The following GABBR2 variants were observed in gnomAD, a reference collection of about 807,000 sequenced individuals.
GABBR2 encodes gamma-aminobutyric acid type B receptor subunit 2, also known as G-protein coupled receptor 51.
In GABBR2, 23 loss-of-function variants were observed where a neutral mutation model predicts 105.6. The observed-to-expected ratio is 0.22, with a 90% CI of 0.16 to 0.31. The LOEUF is 0.31. Ranked by LOEUF, GABBR2 falls within the 10% of genes least tolerant of loss-of-function variation. The pLI is 1.00. For synonymous variants in GABBR2, 478 were observed against 499.7 expected (o/e 0.96, Z 0.58); for missense variants, 734 against 1,245.5 (o/e 0.59, Z 6.18).
At chr9:98,562,438 T>C (rs1828686714) in intron 2 of GABBR2, among the ~76,000 whole-genome samples, 1 of 152,228 alleles carries the variant, frequency 6.6e-6, no homozygotes, top group Non-Finnish European at 1.5e-5. Context: ...ATTGTATCAC[T>C]GTTAAATTTT....
intron 1 of GABBR2, among the ~76,000 whole-genome samples, chr9:98,606,600 C>G (rs889083332): frequency 2.6e-5 from 4 of 151,554 alleles, no homozygotes; most frequent in Admixed American, 6.6e-5. Context: ...CCTGCCTCAG[C>G]CTCCCGAGTA....
At position 98,288,565 on chromosome 9, in the gene GABBR2, T is replaced by C. The variant is rs1339637299; in HGVS notation, c.*2019A>G. 1 of 152,562 alleles carries C rather than the reference T, an allele frequency of 6.6e-6. No homozygotes were observed. The highest frequency in any genetic ancestry group is 1.5e-5 in the Non-Finnish European group (1 of 68,040). 9.5% of individuals were successfully genotyped at this position (152,562 alleles called of 1,614,324 possible). On this transcript the variant is annotated 3_prime_UTR_variant, in exon 19 of 19. Transcript: ENST00000259455. ...TTTTTTTGTGTGTGTGTATACATTA[T>C]GTACAATTAATTGTCTCTTTCCCTT... is the stretch of plus-strand genomic sequence containing the variant.
intron 13 of GABBR2, among the ~76,000 whole-genome samples, chr9:98,323,823 G>A (rs554436050): frequency 1.3e-3 from 200 of 152,212 alleles, no homozygotes; most frequent in Non-Finnish European, 1.2e-3. Flanking sequence ...CTGCTGTCAA[G>A]TCCAAGCCCA....
chr9:98,552,292 G>C (rs1828504044), intron 2 of GABBR2, among the ~76,000 whole-genome samples: 1 of 152,194 alleles, frequency 6.6e-6, no homozygotes, highest in African/African-American at 2.4e-5. Flanking sequence ...AAATGATTGA[G>C]GCTTGCTCTT....
At chr9:98,596,192 C>T (rs560041211) in intron 1 of GABBR2, among the ~76,000 whole-genome samples, 1 of 152,224 alleles carries the variant, frequency 6.6e-6, no homozygotes, top group Non-Finnish European at 1.5e-5. Flanking sequence ...TTTCCTCCCC[C>T]ATAAACGAGG....
chr9:98,410,505 CTTT>C (rs5899341), intron 7 of GABBR2, among the ~76,000 whole-genome samples: 8 of 126,476 alleles, frequency 6.3e-5, no homozygotes, highest in Admixed American at 8.4e-5. Flanking sequence ...GAGGGAAAAG[CTTT>C]TTTTTTTTTT....
At chr9:98,486,787 A>T (rs1034766366) in intron 4 of GABBR2, among the ~76,000 whole-genome samples, 1 of 152,228 alleles carries the variant, frequency 6.6e-6, no homozygotes, top group Non-Finnish European at 1.5e-5. Context: ...CTGTGCCCCA[A>T]CTGTCTGGCT....
intron 12 of GABBR2, among the ~76,000 whole-genome samples, chr9:98,365,420 T>C (rs1831658704): frequency 6.6e-6 from 1 of 152,150 alleles, no homozygotes; most frequent in Non-Finnish European, 1.5e-5. Flanking sequence ...GCACCTAAGC[T>C]CTACTAGACA....
In GABBR2 at chr9:98,704,056, G is replaced by A. The variant is rs565322766; in HGVS notation, c.321+4361C>T. Among the ~76,000 whole-genome samples, 12 of 151,990 alleles carry A rather than the reference G, an allele frequency of 7.9e-5. No homozygotes were observed. In the South Asian group the frequency reaches 1.0e-3, roughly 13 times the overall value. On this transcript the variant is annotated intron_variant, in intron 1 of 18. Transcript: ENST00000259455. ...ACCTTGCATTAGAAATGATGAATAC[G>A]TTCTTGCCCTGTTCTCTGTTCACCA... is the stretch of plus-strand genomic sequence containing the variant.
intron 7 of GABBR2, among the ~76,000 whole-genome samples, chr9:98,431,364 T>C (rs1028361543): frequency 9.9e-5 from 15 of 152,156 alleles, no homozygotes; most frequent in Non-Finnish European, 2.2e-4. Flanking sequence ...GTAAACTCTC[T>C]GAAGAAAGGG....
chr9:98,536,247 A>G (rs997738615), intron 3 of GABBR2, among the ~76,000 whole-genome samples: 1 of 152,198 alleles, frequency 6.6e-6, no homozygotes, highest in African/African-American at 2.4e-5. Flanking sequence ...CCAGGTCTCC[A>G]TAAGCTCACA....
At chr9:98,447,063 C>CTTTTTTTTTTTTTTTTTTTTTTTTTTTTT (rs369338702) in intron 7 of GABBR2, among the ~76,000 whole-genome samples, 2 of 116,340 alleles carry the variant, frequency 1.7e-5, no homozygotes, top group East Asian at 3.6e-4. Flanking sequence ...AAAAAGACTT[C>CTTTTTTTTTTTTTTTTTTTTTTTTTTTTT]TTTTTTTTTT....
chr9:98,341,181 T>C (rs1831206813), intron 13 of GABBR2, among the ~76,000 whole-genome samples: 2 of 152,210 alleles, frequency 1.3e-5, no homozygotes, highest in South Asian at 4.1e-4. Flanking sequence ...CAACACACCT[T>C]TCCACACAAG....
At chr9:98,618,297 T>C (rs1344990125) in intron 1 of GABBR2, among the ~76,000 whole-genome samples, 1 of 152,202 alleles carries the variant, frequency 6.6e-6, no homozygotes, top group African/African-American at 2.4e-5. Flanking sequence ...GTGCCCTTTT[T>C]GTAATCTTGA....
intron 3 of GABBR2, among the ~76,000 whole-genome samples, chr9:98,534,296 T>C (rs1418305943): frequency 8.3e-6 from 1 of 120,950 alleles, no homozygotes; most frequent in Non-Finnish European, 1.8e-5. Context: ...AGCCTCGAGA[T>C]CACTGAGGAC....
chr9:98,479,485 T>A (rs1384060097), intron 5 of GABBR2, among the ~76,000 whole-genome samples: 1 of 152,184 alleles, frequency 6.6e-6, no homozygotes, highest in East Asian at 1.9e-4. Context: ...CCAGCCTCCA[T>A]CCAAGATCCC....
chr9:98,390,375 C>CAAAAAAAAAAAAAAAAAAAA lies in GABBR2; in HGVS notation c.1379-1391_1379-1372dup, dbSNP rs61216428. On this transcript the variant is annotated intron_variant, in intron 9 of 18. Coordinates refer to ENST00000259455, the MANE Select transcript of GABBR2 (RefSeq NM_005458.8). ...GGTGACAGAGCAAGACTCCATCTCA[C>CAAAAAAAAAAAAAAAAAAAA]AAAAAAAAAAAAAAAAAAAAAAAAA... is the stretch of plus-strand genomic sequence containing the variant. 7.1e-4 allele frequency among the ~76,000 whole-genome samples: 23 copies of CAAAAAAAAAAAAAAAAAAAA among 32,436 alleles called. 2 individuals are homozygous for CAAAAAAAAAAAAAAAAAAAA. Among genetic ancestry groups the CAAAAAAAAAAAAAAAAAAAA allele is most frequent in the African/African-American group, 2.0e-3 (20 of 9,946 alleles). 21.3% of individuals were successfully genotyped at this position (32,436 alleles called of 152,430 possible).
chr9:98,419,856 T>C (rs909332988), intron 7 of GABBR2, among the ~76,000 whole-genome samples: 2 of 152,132 alleles, frequency 1.3e-5, no homozygotes, highest in African/African-American at 4.8e-5. Flanking sequence ...CAGGAAGTGG[T>C]CCAATTCCCG....
chr9:98,542,531 C>T (rs1000221715), intron 2 of GABBR2, among the ~76,000 whole-genome samples: 1 of 152,132 alleles, frequency 6.6e-6, no homozygotes, highest in African/African-American at 2.4e-5. Flanking sequence ...TTGTCATTAT[C>T]ATCATATTAT....
Sources: gnomAD v4.1 joint callset for allele counts (sites outside exome capture counted in the v4.1 genomes callset) on GRCh38, gnomAD v4.1.1 for gene constraint, MANE v1.5 for transcripts, NCBI Gene and HGNC (gene_info 2026-07-23, HGNC 2026-07-21) for gene names.